NBAS: variants seen among roughly 807,000 people sequenced by gnomAD.
NBAS encodes NBAS subunit of NRZ tethering complex, also known as NAG/BC035112 fusion.
Under a neutral mutation model 302.5 loss-of-function variants are expected in NBAS, and 219 were observed. The ratio of observed to expected loss-of-function variants is 0.72; its 90% CI spans 0.65 to 0.81. The LOEUF (loss-of-function observed/expected upper bound fraction) is 0.81. Ranked by LOEUF, NBAS falls within the 30% of genes least tolerant of loss-of-function variation. The pLI is 0.00. For missense variants in NBAS, 2,932 were observed against 2,841.6 expected, an observed-to-expected ratio of 1.03 and a Z score of -0.72; for synonymous variants, 1,118 against 1,021.6, an observed-to-expected ratio of 1.09 and a Z score of -1.80.
chr2:15,179,144 G>A (rs1382999334), intron 50 of NBAS, 28 bp from the exon 51 acceptor site: 1 of 1,613,652 alleles, frequency 6.2e-7, no homozygotes, highest in South Asian at 1.1e-5. Context: ...GGGTGAGCGA[G>A]AACTCCACGA....
the NBAS span, among the ~76,000 whole-genome samples, chr2:15,048,821 G>T: frequency 6.6e-6 from 1 of 152,232 alleles, no homozygotes; most frequent in Non-Finnish European, 1.5e-5. Context: ...GCACATGCGG[G>T]CTCAGCCAAA....
At chr2:15,006,431 T>G in the NBAS span, among the ~76,000 whole-genome samples, 1 of 152,174 alleles carries the variant, frequency 6.6e-6, no homozygotes, top group Non-Finnish European at 1.5e-5. Context: ...TAAGGCATTA[T>G]TATAAAGCTA....
intron 31 of NBAS, among the ~76,000 whole-genome samples, chr2:15,369,098 T>C (rs1392348919): frequency 2.0e-5 from 3 of 152,304 alleles, no homozygotes; most frequent in South Asian, 2.1e-4. Flanking sequence ...AATTGTGAGA[T>C]AGGTACTTTT....
chr2:15,549,937 G>T (rs1303645182), intron 6 of NBAS, among the ~76,000 whole-genome samples: 1 of 152,066 alleles, frequency 6.6e-6, no homozygotes, highest in African/African-American at 2.4e-5. Context: ...AGAACTGCTT[G>T]AGCCCAGGAG....
intron 38 of NBAS, among the ~76,000 whole-genome samples, chr2:15,325,266 C>T (rs759364618): frequency 9.2e-5 from 14 of 152,090 alleles, no homozygotes; most frequent in South Asian, 2.1e-4. Context: ...ACAAATTATT[C>T]GGTTTCTCAG....
intron 25 of NBAS, among the ~76,000 whole-genome samples, chr2:15,408,528 G>T (rs994267271): frequency 1.3e-5 from 2 of 151,992 alleles, no homozygotes; most frequent in African/African-American, 2.4e-5. Flanking sequence ...CCTTCTTCAT[G>T]AAGTACATCC....
chr2:14,819,418 C>T, the NBAS span, among the ~76,000 whole-genome samples: 1 of 152,166 alleles, frequency 6.6e-6, no homozygotes, highest in African/African-American at 2.4e-5. Flanking sequence ...TTTTATGTAA[C>T]AGAAAATAGC....
chr2:15,249,823 G>C (rs969633949), intron 44 of NBAS, among the ~76,000 whole-genome samples: 1 of 152,016 alleles, frequency 6.6e-6, no homozygotes. Context: ...ACAAACAGAT[G>C]GAAGAACATT....
chr2:15,123,323 A>AAGGAAAGG, the NBAS span, among the ~76,000 whole-genome samples: 5 of 151,984 alleles, frequency 3.3e-5, no homozygotes, highest in Admixed American at 3.3e-4. Flanking sequence ...CCCTTTCACT[A>AAGGAAAGG]AGGAAAGGAG....
the NBAS span, among the ~76,000 whole-genome samples, chr2:14,796,397 T>C: frequency 2.0e-5 from 3 of 152,332 alleles, no homozygotes; most frequent in African/African-American, 7.2e-5. Flanking sequence ...GGGATTTTGA[T>C]TGAGTTTACC....
At chr2:15,302,050 G>A (rs1486447965) in intron 40 of NBAS, among the ~76,000 whole-genome samples, 3 of 152,232 alleles carry the variant, frequency 2.0e-5, no homozygotes, top group African/African-American at 7.2e-5. Context: ...ACAAGGTGAT[G>A]TTCACGAGGC....
At chr2:15,174,840 T>A (rs1032422068) in intron 51 of NBAS, among the ~76,000 whole-genome samples, 2 of 152,202 alleles carry the variant, frequency 1.3e-5, no homozygotes, top group Non-Finnish European at 2.9e-5. Context: ...TATCTTCTCA[T>A]ACAATCATTA....
chr2:15,324,508 G>C (rs1671972358), intron 38 of NBAS, among the ~76,000 whole-genome samples: 1 of 151,954 alleles, frequency 6.6e-6, no homozygotes, highest in Non-Finnish European at 1.5e-5. Flanking sequence ...ATCCTTCCAA[G>C]TCCAAGTCAA....
the NBAS span, among the ~76,000 whole-genome samples, chr2:14,834,787 T>A: frequency 6.6e-6 from 1 of 152,006 alleles, no homozygotes; most frequent in Non-Finnish European, 1.5e-5. Flanking sequence ...ACAGAAAGGT[T>A]AAGAATGATT....
the NBAS span, among the ~76,000 whole-genome samples, chr2:15,083,786 G>T: frequency 2.0e-5 from 3 of 152,198 alleles, no homozygotes; most frequent in Non-Finnish European, 1.5e-5. Context: ...TGTTCTTGCA[G>T]TGTAGACAAT....
At chr2:15,446,741 C>T (rs1027962852) in intron 21 of NBAS, among the ~76,000 whole-genome samples, 5 of 151,676 alleles carry the variant, frequency 3.3e-5, no homozygotes, top group African/African-American at 9.7e-5. Context: ...TGTATGGCAA[C>T]AATAGTGCAA....
chr2:15,018,788 C>T, the NBAS span, among the ~76,000 whole-genome samples: 37 of 151,980 alleles, frequency 2.4e-4, no homozygotes, highest in African/African-American at 8.5e-4. Flanking sequence ...TCTAAATAAA[C>T]TAACCTTAGT....
At chr2:15,223,026 T>C (rs1373796798) in intron 47 of NBAS, among the ~76,000 whole-genome samples, 1 of 152,216 alleles carries the variant, frequency 6.6e-6, no homozygotes, top group African/African-American at 2.4e-5. Flanking sequence ...AAGCATTGTG[T>C]TCTGGAAGCA....
intron 47 of NBAS, among the ~76,000 whole-genome samples, chr2:15,229,789 AAAAAG>A (rs1056387440): frequency 6.6e-6 from 1 of 152,054 alleles, no homozygotes. Flanking sequence ...CGTAAAAAAA[AAAAAG>A]AAAAGAAAAA....
Sources: allele counts gnomAD v4.1 joint callset (sites outside exome capture counted in the v4.1 genomes callset), GRCh38; gene constraint gnomAD v4.1.1; transcripts MANE v1.5; gene names NCBI Gene and HGNC (gene_info 2026-07-23, HGNC 2026-07-21).